Variants in CHD9 observed in about 807,000 individuals in gnomAD.
The protein encoded by CHD9 is chromodomain helicase DNA binding protein 9, also known as ATP-dependent chromatin remodeler CHD9.
In CHD9, 77 loss-of-function variants were observed where a neutral mutation model predicts 316.1. That is an observed-to-expected ratio of 0.24 (90% CI 0.20 to 0.29). CHD9 has a LOEUF of 0.29. CHD9 is among the 10% of genes least tolerant of loss of function. The pLI is 1.00. For missense variants in CHD9, 2,763 were observed against 3,438.1 expected (o/e 0.80, Z 4.91); for synonymous variants, 1,129 against 1,158.3 (o/e 0.97, Z 0.51).
chr16:53,137,735 G>T (rs1274681840), intron 1 of CHD9, among the ~76,000 whole-genome samples: 4 of 152,134 alleles, frequency 2.6e-5, no homozygotes, highest in Non-Finnish European at 5.9e-5. Flanking sequence ...GTTCAAAAAT[G>T]AGTACCCATG....
intron 30 of CHD9, among the ~76,000 whole-genome samples, chr16:53,302,063 C>A (rs999367174): frequency 2.2e-4 from 34 of 152,054 alleles, no homozygotes; most frequent in African/African-American, 8.0e-4. Flanking sequence ...GCGCCTGGCC[C>A]TTCCTCTCTT....
At chr16:53,285,915 A>G (rs879293578) in intron 25 of CHD9, among the ~76,000 whole-genome samples, 1 of 152,202 alleles carries the variant, frequency 6.6e-6, no homozygotes, top group Admixed American at 6.5e-5. Flanking sequence ...ATGTAAATCT[A>G]AGACAACTTC....
At chr16:53,267,536 A>C (rs1193885079) in intron 21 of CHD9, 46 bp downstream of exon 21, 2 of 1,332,728 alleles carry the variant, frequency 1.5e-6, no homozygotes, top group South Asian at 3.1e-5. Context: ...CTGGTATGTA[A>C]TGTTACAGAA....
At chr16:53,140,542 C>G (rs2040033731) in intron 1 of CHD9, among the ~76,000 whole-genome samples, 1 of 152,222 alleles carries the variant, frequency 6.6e-6, no homozygotes, top group Non-Finnish European at 1.5e-5. Flanking sequence ...TTTTCAGTAT[C>G]AGCCCAAAAT....
intron 20 of CHD9, among the ~76,000 whole-genome samples, chr16:53,266,239 A>C (rs2051678314): frequency 6.6e-6 from 1 of 152,298 alleles, no homozygotes; most frequent in East Asian, 1.9e-4. Context: ...GAAAACTAGT[A>C]ACTTCACAGT....
chr16:53,273,653 G>A lies in CHD9; in HGVS notation c.4745G>A (p.Arg1582Gln), dbSNP rs1046854141. 9 of 1,611,528 alleles carry A rather than the reference G, an allele frequency of 5.6e-6. No individual in the cohort carries two copies. Among genetic ancestry groups the A allele is most frequent in the African/African-American group, 2.7e-5 (2 of 74,808 alleles). The change falls in exon 23 of 39, where the codon CGA becomes CAA. Residue 1582 changes from arginine (R) to glutamine (Q), a missense_variant. Physicochemically the swap from Arg to Gln is conservative, Grantham distance 43. Transcript: ENST00000447540. Reference sequence around the variant, plus strand: ...CTATCAGCTCCTGTACCCAGGGGTCGAAAAGGGAAGAAAGTAAAAACTCAA... The same window carrying A: ...CTATCAGCTCCTGTACCCAGGGGTCAAAAAGGGAAGAAAGTAAAAACTCAA... ...LGLSAPVPRG[R>Q]KGKKVKTQTS...
chr16:53,130,595 G>T (rs970913586), intron 1 of CHD9, among the ~76,000 whole-genome samples: 1 of 150,976 alleles, frequency 6.6e-6, no homozygotes, highest in Non-Finnish European at 1.5e-5. Flanking sequence ...TCCGGCCAGA[G>T]GGCGCCCGGC....
At chr16:53,314,741 C>A in intron 35 of CHD9, 82 bp from the exon 36 acceptor site, 2 of 1,216,528 alleles carry the variant, frequency 1.6e-6, no homozygotes, top group Non-Finnish European at 1.2e-6. Flanking sequence ...TATTTTTTCT[C>A]TTCAAAAATA....
intron 17 of CHD9, chr16:53,250,302 T>TA (rs1473003098): frequency 2.3e-6 from 1 of 441,450 alleles, no homozygotes; most frequent in Non-Finnish European, 4.0e-6. Context: ...TACTAGCTTA[T>TA]AAAAAATTAT....
intron 2 of CHD9, among the ~76,000 whole-genome samples, chr16:53,203,248 T>C (rs970022381): frequency 3.3e-5 from 5 of 152,232 alleles, no homozygotes; most frequent in African/African-American, 1.2e-4. Context: ...TAAAATGCCT[T>C]ATTAAATTAT....
intron 1 of CHD9, among the ~76,000 whole-genome samples, chr16:53,154,536 T>C (rs2041364830): frequency 6.6e-6 from 1 of 152,100 alleles, no homozygotes; most frequent in Non-Finnish European, 1.5e-5. Flanking sequence ...ACCGGTTTCG[T>C]GGATGGGGTA....
At chr16:53,131,139 C>G (rs1320574639) in intron 1 of CHD9, 1 of 142,342 alleles carries the variant, frequency 7.0e-6, no homozygotes, top group Non-Finnish European at 1.5e-5. Flanking sequence ...GGGCAGCGGC[C>G]GCTGCTCAAC....
chr16:53,307,506 CTG>C (rs2056091751), intron 32 of CHD9, among the ~76,000 whole-genome samples, 173 bp from the exon 33 acceptor site: 1 of 152,088 alleles, frequency 6.6e-6, no homozygotes, highest in South Asian at 2.1e-4. Flanking sequence ...CAAAGGGAAT[CTG>C]TACTCAAATA....
chr16:53,302,047 G>T (rs564436788), intron 30 of CHD9, among the ~76,000 whole-genome samples: 1 of 152,048 alleles, frequency 6.6e-6, no homozygotes, highest in East Asian at 1.9e-4. Flanking sequence ...GCAGGCATGA[G>T]CCACTGCGCC....
At chr16:53,279,586 T>A (rs2153029298) in intron 24 of CHD9, among the ~76,000 whole-genome samples, 1 of 152,188 alleles carries the variant, frequency 6.6e-6, no homozygotes, top group African/African-American at 2.4e-5. Context: ...AAGATAACAT[T>A]GGAAAAACCC....
At position 53,304,497 on chromosome 16, in the gene CHD9, GTTC is replaced by G. The variant is rs56028815; in HGVS notation, c.6498_6500del (p.Ser2170del). On this transcript the variant is annotated inframe_deletion, in exon 31 of 39. Transcript: ENST00000447540. ...TGCTCCCACTCTCGATCAGGCTCTA[GTTC>G]TTCTTCATCTTCATCTTGTTCTTCA... The G allele has an allele frequency of 0.041, 63,373 of 1,553,328 alleles. 1,523 individuals carry two copies. The highest frequency in any genetic ancestry group is 0.045 in the Non-Finnish European group (51,292 of 1,147,770).
intron 1 of CHD9, among the ~76,000 whole-genome samples, chr16:53,140,990 A>G (rs1440844890): frequency 6.6e-6 from 1 of 152,258 alleles, no homozygotes; most frequent in African/African-American, 2.4e-5. Flanking sequence ...AGTAAGCATT[A>G]GAAGAGTGCC....
intron 1 of CHD9, among the ~76,000 whole-genome samples, chr16:53,097,975 C>T (rs563159160): frequency 4.6e-4 from 69 of 151,422 alleles, no homozygotes; most frequent in Non-Finnish European, 6.9e-4. Context: ...CAAAAATTAG[C>T]CAGGTGTGGT....
At position 53,296,938 on chromosome 16, in the gene CHD9, T is replaced by C; in HGVS notation, c.5511-18T>C. 1 of 1,588,610 alleles carries C rather than the reference T, an allele frequency of 6.3e-7. No homozygotes were observed. Among genetic ancestry groups the C allele is most frequent in the South Asian group, 1.1e-5 (1 of 88,870 alleles). ...TAGTGACTAGTGTGGTTTTTTTCTT[T>C]AATCTGACTCAAAATAGATGGACAA... is the stretch of plus-strand genomic sequence containing the variant. On this transcript the variant is annotated intron_variant, in intron 29 of 38. Transcript: ENST00000447540.
Sources: gnomAD v4.1 joint callset for allele counts (sites outside exome capture counted in the v4.1 genomes callset) on GRCh38, gnomAD v4.1.1 for gene constraint, MANE v1.5 for transcripts, NCBI Gene and HGNC (gene_info 2026-07-23, HGNC 2026-07-21) for gene names.